PPFIA4: variants seen among roughly 807,000 people sequenced by gnomAD.
PPFIA4 encodes liprin-alpha-4.
Under a neutral mutation model 145.7 loss-of-function variants are expected in PPFIA4, and 98 were observed. The observed-to-expected ratio is 0.67, with a 90% CI of 0.57 to 0.80. The LOEUF (loss-of-function observed/expected upper bound fraction) is 0.80. Among genes scored for constraint, PPFIA4 ranks in the 30% least tolerant of loss-of-function variants. PPFIA4 has a pLI of 0.00. For missense variants in PPFIA4, 1,457 were observed against 1,632.7 expected, an observed-to-expected ratio of 0.89 and a Z score of 1.85; for synonymous variants, 628 against 649.6, an observed-to-expected ratio of 0.97 and a Z score of 0.51.
intron 20 of PPFIA4, 110 bp downstream of exon 20, chr1:203,059,381 C>A: frequency 1.1e-6 from 1 of 935,880 alleles, no homozygotes; most frequent in Non-Finnish European, 1.7e-6. Flanking sequence ...CCAGCAAGGC[C>A]CTTCCTGAAC....
In PPFIA4 at chr1:203,077,972, T is replaced by G. The variant is rs1372790035; in HGVS notation, c.*1582T>G. The G allele has an allele frequency of 6.6e-6, 1 of 152,348 alleles. No homozygotes were observed. Among genetic ancestry groups the G allele is most frequent in the Non-Finnish European group, 1.5e-5 (1 of 68,138 alleles). The allele number at this position is 152,348 out of a possible 1,614,324, so 9.4% of individuals were successfully genotyped here. ...ATCACCTTGAGTTCTGAGCAGGGACTAGGCTTGCAGGTGAGATAATGGGCC... is the reference window on the plus strand; with the variant it reads ...ATCACCTTGAGTTCTGAGCAGGGACGAGGCTTGCAGGTGAGATAATGGGCC... On this transcript the variant is annotated 3_prime_UTR_variant, in exon 30 of 30. Coordinates refer to ENST00000295706, the MANE Select transcript of PPFIA4 (RefSeq NM_001304331.2).
chr1:203,048,391 AGG>A lies in PPFIA4; in HGVS notation c.1224+82_1224+83del. The A allele has an allele frequency of 6.5e-7, 1 of 1,528,456 alleles. No homozygotes were observed. Among genetic ancestry groups the A allele is most frequent in the Non-Finnish European group, 8.9e-7 (1 of 1,120,900 alleles). The allele number at this position is 1,528,456 out of a possible 1,614,324, so 94.7% of individuals were successfully genotyped here. A position where few individuals can be genotyped will look rare whatever the true frequency, so the allele number is the denominator to read the frequency against. On this transcript the variant is annotated intron_variant, in intron 10 of 29. Coordinates refer to ENST00000295706, the MANE Select transcript of PPFIA4 (RefSeq NM_001304331.2). The surrounding 1 kb of genome is among the most constrained non-coding windows in gnomAD (Gnocchi z 5.8). ...AGGGCGGTCTGTGGAAGGGGCACGG[AGG>A]AAGGGCCTGGCCAGGGACACAGCCA...
At chr1:203,047,907 G>C (rs1378486552) in intron 9 of PPFIA4, among the ~76,000 whole-genome samples, 2 of 152,174 alleles carry the variant, frequency 1.3e-5, no homozygotes, top group Non-Finnish European at 2.9e-5. Flanking sequence ...AGAGGTTTAT[G>C]GTAGCTCATG....
At chr1:203,056,595 CT>C (rs1660972875) in intron 18 of PPFIA4, 87 bp downstream of exon 18, 1 of 1,503,118 alleles carries the variant, frequency 6.7e-7, no homozygotes, top group Non-Finnish European at 9.0e-7. Flanking sequence ...CGCATCTCCC[CT>C]GTCCCAGTTT....
At position 203,052,045 on chromosome 1, in the gene PPFIA4, G is replaced by GCCCCCC. The variant is rs3215063; in HGVS notation, c.1620+174_1620+179dup. 6.0e-4 allele frequency among the ~76,000 whole-genome samples: 62 copies of GCCCCCC among 102,996 alleles called. 3 individuals are homozygous for GCCCCCC. The highest frequency in any genetic ancestry group is 1.6e-3 in the African/African-American group (43 of 26,140). 67.6% of individuals were successfully genotyped at this position (102,996 alleles called of 152,430 possible). On this transcript the variant is annotated intron_variant, in intron 14 of 29. Coordinates refer to ENST00000295706, the MANE Select transcript of PPFIA4 (RefSeq NM_001304331.2). ...GGCCATCGTCAGCTGCAACAGCTGT[G>GCCCCCC]CCCCCCCCCCCGCTTGCCTTGGCCT...
At chr1:203,070,561 A>C (rs115656354) in intron 27 of PPFIA4, among the ~76,000 whole-genome samples, 10,686 of 149,566 alleles carry the variant, frequency 0.071, 412 homozygotes, top group African/African-American at 0.091. Flanking sequence ...CAGCCTGGGC[A>C]ACAGAATGAG....
At chr1:203,058,135 C>T (rs1424293612) in intron 19 of PPFIA4, among the ~76,000 whole-genome samples, 3 of 152,050 alleles carry the variant, frequency 2.0e-5, no homozygotes, top group Non-Finnish European at 2.9e-5. Flanking sequence ...AACCTTTGGA[C>T]CCAAATGCAT....
In PPFIA4 at chr1:203,075,641, ACGGTCG is replaced by A; in HGVS notation, c.3462_3467del (p.Arg1155_Gly1156del). ...AAGCGCTTCCGGCCGCGGGAGCACC[ACGGTCG>A]CGGCGGCATGCTCAGCGCTTCCGCG... On this transcript the variant is annotated inframe_deletion, in exon 29 of 30. Transcript: ENST00000295706. This position sits in a 1 kb window ranked among gnomAD's most constrained non-coding sequence, Gnocchi z 4.1. 6.7e-7 allele frequency: 1 copy of A among 1,500,884 alleles called. No individual in the cohort carries two copies. Among genetic ancestry groups the A allele is most frequent in the Non-Finnish European group, 8.9e-7 (1 of 1,123,556 alleles). The allele number at this position is 1,500,884 out of a possible 1,614,324, so 93.0% of individuals were successfully genotyped here.
Position 203,075,483 on chromosome 1 carries a change from C to T in PPFIA4, c.3394-94C>T. On this transcript the variant is annotated intron_variant, in intron 28 of 29. Transcript: ENST00000295706. This position sits in a 1 kb window ranked among gnomAD's most constrained non-coding sequence, Gnocchi z 4.1. ...TTTCCAAAGGGGTGGGAGTGGTGCC[C>T]CTTGAACCAGCAGCGACTGGCCCCC... 9.1e-7 allele frequency: 1 copy of T among 1,096,904 alleles called. No homozygotes were observed. 67.9% of individuals were successfully genotyped at this position (1,096,904 alleles called of 1,614,324 possible).
At chr1:203,034,322 A>G (rs1344217939) in intron 1 of PPFIA4, among the ~76,000 whole-genome samples, 5 of 152,034 alleles carry the variant, frequency 3.3e-5, no homozygotes, top group African/African-American at 4.8e-5. Context: ...AGGGCTAGGG[A>G]AGGGCTAGGG....
Position 203,077,427 on chromosome 1 carries a change from T to C in PPFIA4, c.*1037T>C, listed in dbSNP as rs1216097890. The C allele has an allele frequency of 6.6e-6, 1 of 152,190 alleles. No individual in the cohort carries two copies. The highest frequency in any genetic ancestry group is 1.5e-5 in the Non-Finnish European group (1 of 68,040). The allele number at this position is 152,190 out of a possible 1,614,324, so 9.4% of individuals were successfully genotyped here. On this transcript the variant is annotated 3_prime_UTR_variant, in exon 30 of 30. Coordinates refer to ENST00000295706, the MANE Select transcript of PPFIA4 (RefSeq NM_001304331.2). ...ATGAACCTAATGGGTGGATTGAATA[T>C]ACATTGAGCCCAAAGTCAAGTTTGG...
In PPFIA4 at chr1:203,056,122, C is replaced by T. The variant is rs759400178; in HGVS notation, c.2073C>T (p.Pro691=). 5 of 1,614,002 alleles carry T rather than the reference C, an allele frequency of 3.1e-6. No homozygotes were observed. The Admixed American group carries it at 5.0e-5, about 16-fold the overall frequency. The change falls in exon 17 of 30, where the codon CCC becomes CCT. Residue 691 remains proline (P), a splice_region_variant and synonymous_variant. Transcript: ENST00000295706. The stretch of plus-strand genomic sequence containing the variant: ...TTACCCATCCCTCTCTCTTGCAGCC[C>T]AGTGACTTAAGAAAGCATAGGAGGA... ...DLDRMGVMTL[P]SDLRKHRRKL... is the part of the protein sequence containing the mutation.
intron 14 of PPFIA4, 150 bp downstream of exon 14, chr1:203,052,027 G>A (rs1297628421): frequency 1.1e-5 from 9 of 802,826 alleles, no homozygotes; most frequent in Admixed American, 8.4e-5. Flanking sequence ...TGAGGCCATC[G>A]TCAGCTGCAA....
At chr1:203,030,904 T>TA (rs1403891285) in intron 1 of PPFIA4, among the ~76,000 whole-genome samples, 1 of 152,142 alleles carries the variant, frequency 6.6e-6, no homozygotes, top group Non-Finnish European at 1.5e-5. Flanking sequence ...TGACCACAAT[T>TA]ATATGCAGTC....
At chr1:203,059,993 C>T (rs1661246621) in intron 21 of PPFIA4, 142 bp downstream of exon 21, 1 of 798,896 alleles carries the variant, frequency 1.3e-6, no homozygotes, top group South Asian at 1.6e-5. Context: ...TTTAGCCCCC[C>T]TCCCCCTCCC....
At chr1:203,071,820 G>A in intron 28 of PPFIA4, 60 bp downstream of exon 28, 1 of 1,388,470 alleles carries the variant, frequency 7.2e-7, no homozygotes, top group East Asian at 2.4e-5. Flanking sequence ...TTGGATTGAG[G>A]TTCATGAGTT....
In PPFIA4 at chr1:203,051,843, G is replaced by GC; in HGVS notation, c.1588dup (p.Arg530ProfsTer31). 6.2e-7 allele frequency: 1 copy of GC among 1,613,700 alleles called. No individual in the cohort carries two copies. Among genetic ancestry groups the GC allele is most frequent in the Non-Finnish European group, 8.5e-7 (1 of 1,179,748 alleles). ...ACACACGCACCCCCAGGCGTGCATC[G>GC]CCGCTACTCGGCATTGAGGGAAGAG... On this transcript the variant is annotated frameshift_variant, in exon 14 of 30. Transcript: ENST00000295706. LOFTEE classifies it high-confidence loss of function.
At chr1:203,051,525 T>G in intron 13 of PPFIA4, 1 of 756,048 alleles carries the variant, frequency 1.3e-6, no homozygotes. Flanking sequence ...ATCCTTCTTA[T>G]GCCAGACGGA....
At chr1:203,042,569 A>G (rs1306543309) in intron 2 of PPFIA4, among the ~76,000 whole-genome samples, 2 of 152,224 alleles carry the variant, frequency 1.3e-5, no homozygotes, top group Non-Finnish European at 2.9e-5. Context: ...TGGGGCTGGA[A>G]GAGCTCCCTG....
Sources: gnomAD v4.1 joint callset for allele counts (sites outside exome capture counted in the v4.1 genomes callset) on GRCh38, gnomAD v4.1.1 for gene constraint, Gnocchi (gnomAD v3.1) non-coding constraint, MANE v1.5 for transcripts, NCBI Gene and HGNC (gene_info 2026-07-23, HGNC 2026-07-21) for gene names.